Variants in NAV3 observed in about 807,000 individuals in gnomAD.
The protein encoded by NAV3 is neuron navigator 3, also known as pore membrane and/or filament interacting like protein 1.
In NAV3, 87 loss-of-function variants were observed where a neutral mutation model predicts 244.7. That is an observed-to-expected ratio of 0.36 (90% CI 0.30 to 0.42). The LOEUF is 0.42. NAV3 is among the 20% of genes least tolerant of loss of function. NAV3 has a pLI of 1.00. For missense variants in NAV3, 2,663 were observed against 2,893.3 expected, an observed-to-expected ratio of 0.92 and a Z score of 1.83; for synonymous variants, 1,126 against 1,042.2, an observed-to-expected ratio of 1.08 and a Z score of -1.55.
rs540897325 is a variant in NAV3 at position 78,158,488 on chromosome 12, T to A, written c.4786-715T>A. ...AGAGTTATAGTTATGTACTACAATA[T>A]GTATAATTCTCTAATATTTAAAACA... On this transcript the variant is annotated intron_variant, in intron 22 of 39. Coordinates refer to ENST00000397909, the MANE Select transcript of NAV3 (RefSeq NM_001024383.2). Among the ~76,000 whole-genome samples the A allele has an allele frequency of 5.3e-5, 8 of 152,284 alleles. No individual in the cohort carries two copies. In the East Asian group the frequency reaches 1.5e-3, roughly 29 times the overall value.
At chr12:78,201,896 G>A (rs1156218) in intron 38 of NAV3, among the ~76,000 whole-genome samples, 77,176 of 151,444 alleles carry the variant, frequency 0.51, 20,754 homozygotes, top group East Asian at 0.8. Flanking sequence ...CCCTTTTACT[G>A]TCAGGCTCTC....
intron 2 of NAV3, among the ~76,000 whole-genome samples, chr12:77,713,754 A>T (rs1446102488): frequency 2.0e-5 from 3 of 152,176 alleles, no homozygotes; most frequent in African/African-American, 7.2e-5. Flanking sequence ...AACTGAAAAT[A>T]AAACAAATGT....
chr12:78,049,850 T>C (rs771360919), intron 9 of NAV3, 143 bp from the exon 10 acceptor site: 4 of 559,146 alleles, frequency 7.2e-6, no homozygotes, highest in African/African-American at 1.9e-5. Context: ...GAAAGAATTA[T>C]AATTTGTAGA....
chr12:78,195,299 A>G (rs1319347945), intron 34 of NAV3, among the ~76,000 whole-genome samples: 2 of 151,966 alleles, frequency 1.3e-5, no homozygotes, highest in Non-Finnish European at 2.9e-5. Context: ...CCCAAAACAC[A>G]TCATACACTT....
intron 3 of NAV3, among the ~76,000 whole-genome samples, chr12:77,945,604 T>C (rs1313654169): frequency 6.6e-6 from 1 of 152,172 alleles, no homozygotes; most frequent in East Asian, 1.9e-4. Context: ...TCAAATATAC[T>C]AAATAATTTC....
chr12:77,865,930 G>C (rs1391837613), intron 1 of NAV3, among the ~76,000 whole-genome samples: 4 of 151,702 alleles, frequency 2.6e-5, no homozygotes, highest in Non-Finnish European at 4.4e-5. Flanking sequence ...TTAAAAAAAT[G>C]CATGACAAAA....
rs781411104 is a variant in NAV3 at position 78,118,096 on chromosome 12, C to A, written c.2839C>A (p.Pro947Thr). The A allele has an allele frequency of 8.1e-6, 13 of 1,613,904 alleles. No individual in the cohort carries two copies. The highest frequency in any genetic ancestry group is 5.3e-5 in the African/African-American group (4 of 74,890). The change falls in exon 14 of 40, where the codon CCA (proline) becomes ACA (threonine). Residue 947 changes from proline (P) to threonine (T), a missense_variant. Physicochemically the swap from Pro to Thr is conservative, Grantham distance 38. Around this residue, in one of 6 missense-constraint regions of NAV3, gnomAD observed 1,521 missense variants for 1,497.0 expected, o/e 1.02. Coordinates refer to ENST00000397909, the MANE Select transcript of NAV3 (RefSeq NM_001024383.2). Reference protein sequence around the residue: ...TWDSPEELKKPEEDFDSHGDA... With the variant: ...TWDSPEELKKTEEDFDSHGDA... ...GGATAGTCCTGAGGAACTGAAAAAA[C>A]CAGAAGAAGATTTTGACAGCCATGG... is the stretch of plus-strand genomic sequence containing the variant.
chr12:78,087,243 A>G (rs924339199), intron 12 of NAV3, among the ~76,000 whole-genome samples: 5 of 152,074 alleles, frequency 3.3e-5, no homozygotes, highest in African/African-American at 1.2e-4. Context: ...CTGCCAAGAT[A>G]CATAAATCTT....
At chr12:78,167,622 A>C (rs1957833603) in intron 23 of NAV3, among the ~76,000 whole-genome samples, 1 of 151,476 alleles carries the variant, frequency 6.6e-6, no homozygotes, top group Admixed American at 6.6e-5. Context: ...TAAAATATAT[A>C]TTCTGGGAGA....
At chr12:78,119,211 A>G (rs780186094) in intron 14 of NAV3, 26 bp from the exon 15 acceptor site, 1 of 1,590,712 alleles carries the variant, frequency 6.3e-7, no homozygotes, top group Middle Eastern at 1.8e-4. Context: ...ACAGGCACAT[A>G]TATTTGTGTA....
intron 2 of NAV3, among the ~76,000 whole-genome samples, chr12:77,621,736 C>T (rs1206022266): frequency 6.6e-6 from 1 of 152,046 alleles, no homozygotes; most frequent in African/African-American, 2.4e-5. Context: ...CCTCGGCCTC[C>T]CAAAGTGCTG....
intron 6 of NAV3, among the ~76,000 whole-genome samples, chr12:77,996,560 G>GT (rs142358365): frequency 5.3e-5 from 8 of 151,596 alleles, no homozygotes; most frequent in South Asian, 2.1e-4. Flanking sequence ...GTTAGTATTT[G>GT]TTTTTTTTCC....
At chr12:77,701,567 G>C (rs1163036489) in intron 2 of NAV3, among the ~76,000 whole-genome samples, 7 of 151,700 alleles carry the variant, frequency 4.6e-5, no homozygotes, top group African/African-American at 1.5e-4. Context: ...TCTTAAGTTA[G>C]AAACTTCAGT....
At chr12:78,046,889 A>T (rs966861946) in intron 9 of NAV3, among the ~76,000 whole-genome samples, 1 of 152,022 alleles carries the variant, frequency 6.6e-6, no homozygotes, top group Non-Finnish European at 1.5e-5. Context: ...GGTCTCTAAG[A>T]ACTTGCTTTA....
At chr12:78,100,110 A>T (rs1954464847) in intron 12 of NAV3, among the ~76,000 whole-genome samples, 1 of 151,958 alleles carries the variant, frequency 6.6e-6, no homozygotes, top group Non-Finnish European at 1.5e-5. Context: ...GTTAGTCTCT[A>T]TGAATATTTC....
intron 2 of NAV3, among the ~76,000 whole-genome samples, chr12:77,778,806 TGG>T (rs1870521435): frequency 1.3e-5 from 2 of 152,116 alleles, no homozygotes; most frequent in Admixed American, 6.5e-5. Flanking sequence ...GTATTCTCTT[TGG>T]TAAAAGGCAG....
At chr12:78,196,328 T>C (rs1959173816) in intron 34 of NAV3, among the ~76,000 whole-genome samples, 1 of 152,024 alleles carries the variant, frequency 6.6e-6, no homozygotes, top group African/African-American at 2.4e-5. Flanking sequence ...TCTCCTACTT[T>C]TATTTCCAGC....
intron 28 of NAV3, among the ~76,000 whole-genome samples, chr12:78,178,538 A>G (rs1052145127): frequency 6.6e-6 from 1 of 152,198 alleles, no homozygotes; most frequent in African/African-American, 2.4e-5. Flanking sequence ...TGGATAAACT[A>G]TAATTGTGGG....
chr12:77,929,798 AT>A (rs10602394), intron 1 of NAV3, among the ~76,000 whole-genome samples: 1,737 of 105,990 alleles, frequency 0.016, 22 homozygotes, highest in African/African-American at 0.049. Flanking sequence ...ACGGCCAGCT[AT>A]TTTTTTTTTT....
Sources: gnomAD v4.1 joint callset for allele counts (sites outside exome capture counted in the v4.1 genomes callset) on GRCh38, gnomAD v4.1.1 for gene constraint, gnomAD v4.1.1 regional missense constraint, MANE v1.5 for transcripts, NCBI Gene and HGNC (gene_info 2026-07-23, HGNC 2026-07-21) for gene names.